Variants in ZNF536 observed in about 807,000 individuals in gnomAD.
ZNF536 encodes zinc finger protein 536.
In ZNF536, 13 loss-of-function variants were observed where a neutral mutation model predicts 84.5. The ratio of observed to expected loss-of-function variants is 0.15; its 90% CI spans 0.10 to 0.24. The LOEUF is 0.24. ZNF536 is among the 10% of genes least tolerant of loss of function. The probability of loss-of-function intolerance (pLI) is 1.00; values close to 1 mark genes in which losing one functional copy is unlikely to be tolerated. For synonymous variants in ZNF536, 811 were observed against 742.5 expected, an observed-to-expected ratio of 1.09 and a Z score of -1.50; for missense variants, 1,536 against 1,747.5, an observed-to-expected ratio of 0.88 and a Z score of 2.16.
intron 1 of ZNF536, among the ~76,000 whole-genome samples, chr19:30,382,227 C>T (rs561175246): frequency 3.9e-5 from 6 of 152,178 alleles, no homozygotes; most frequent in South Asian, 4.2e-4. Context: ...GAAAGTTGTC[C>T]GATTTGAATT....
intron 1 of ZNF536, among the ~76,000 whole-genome samples, chr19:30,233,116 C>G (rs67531495): frequency 0.17 from 25,781 of 151,202 alleles, 2,366 homozygotes; most frequent in African/African-American, 0.24. Context: ...TCTGAGAGGG[C>G]AGAGAACTTC....
intron 1 of ZNF536, among the ~76,000 whole-genome samples, chr19:30,428,736 T>C (rs1184644263): frequency 4.6e-5 from 7 of 152,162 alleles, no homozygotes; most frequent in African/African-American, 1.7e-4. Context: ...CAACATCAGA[T>C]GGATGGTGCA....
rs908821217 is a variant in ZNF536, at chr19:30,348,459, G to A, written c.-119-3909G>A. Reference sequence around the variant, plus strand: ...GTCCCTTACGTGCTGAGGTCCTTGAGCCTCCCTCTCTACTTTTTCTCCATG... The same window carrying A: ...GTCCCTTACGTGCTGAGGTCCTTGAACCTCCCTCTCTACTTTTTCTCCATG... On this transcript the variant is annotated intron_variant, in intron 2 of 5. Transcript: ENST00000585628. 3.9e-5 allele frequency among the ~76,000 whole-genome samples: 6 copies of A among 152,118 alleles called. No individual in the cohort carries two copies. In the South Asian group the frequency reaches 1.0e-3, roughly 26 times the overall value.
chr19:30,336,294 T>C (rs1292590724), intron 2 of ZNF536, among the ~76,000 whole-genome samples: 2 of 152,214 alleles, frequency 1.3e-5, no homozygotes, highest in Non-Finnish European at 1.5e-5. Flanking sequence ...CCATGTCTGA[T>C]GGCTCACTTT....
At chr19:30,456,405 T>A (rs2043612757) in intron 2 of ZNF536, among the ~76,000 whole-genome samples, 1 of 150,928 alleles carries the variant, frequency 6.6e-6, no homozygotes, top group South Asian at 2.1e-4. Context: ...TTCTGCACCA[T>A]TATTTCCTTA....
intron 2 of ZNF536, among the ~76,000 whole-genome samples, chr19:30,489,607 A>T (rs1287487725): frequency 6.6e-6 from 1 of 152,184 alleles, no homozygotes; most frequent in Admixed American, 6.5e-5. Context: ...AAATAAGGAA[A>T]ATAAAATAAT....
At chr19:30,388,555 G>T (rs147447089) in intron 1 of ZNF536, among the ~76,000 whole-genome samples, 1 of 152,096 alleles carries the variant, frequency 6.6e-6, no homozygotes, top group Non-Finnish European at 1.5e-5. Flanking sequence ...AGCCCTCCAC[G>T]ATCGCCTCGT....
intron 1 of ZNF536, among the ~76,000 whole-genome samples, chr19:30,564,088 C>A (rs2046268749): frequency 6.6e-6 from 1 of 152,008 alleles, no homozygotes; most frequent in African/African-American, 2.4e-5. Flanking sequence ...AAGAGAAATG[C>A]ATGAAGATAG....
Position 30,444,984 on chromosome 19 carries a change from C to G in ZNF536, c.1422C>G (p.Ser474=), listed in dbSNP as rs2148206702. The change falls in exon 2 of 5, where the codon TCC becomes TCG. Residue 474 remains serine, a synonymous_variant. Transcript: ENST00000355537. ...TGGGGAAGCTGCTGTCTCCCATCTC[C>G]AGCATGGCCCACGGCGTCCCGGAGG... The part of the protein sequence containing the change: ...EALGKLLSPI[S]SMAHGVPEGD... The G allele has an allele frequency of 6.2e-7, 1 of 1,611,392 alleles. No individual in the cohort carries two copies. The highest frequency in any genetic ancestry group is 8.5e-7 in the Non-Finnish European group (1 of 1,178,820).
chr19:30,252,473 A>T (rs2024671027), intron 1 of ZNF536, among the ~76,000 whole-genome samples: 1 of 151,978 alleles, frequency 6.6e-6, no homozygotes, highest in South Asian at 2.1e-4. Flanking sequence ...AGGCAGGAGG[A>T]TTTACCCTCC....
At chr19:30,468,608 C>T (rs1395249340) in intron 2 of ZNF536, among the ~76,000 whole-genome samples, 2 of 151,882 alleles carry the variant, frequency 1.3e-5, no homozygotes, top group East Asian at 1.9e-4. Flanking sequence ...TGCAGGGGTT[C>T]GTGAGGGCTG....
At chr19:30,555,125 A>G (rs2045920564) in intron 4 of ZNF536, 1 of 152,276 alleles carries the variant, frequency 6.6e-6, no homozygotes, top group Non-Finnish European at 1.5e-5. Flanking sequence ...CATAGCCAGC[A>G]CACACAGAAG....
At chr19:30,237,403 G>C (rs1391064239) in intron 1 of ZNF536, among the ~76,000 whole-genome samples, 1 of 152,146 alleles carries the variant, frequency 6.6e-6, no homozygotes, top group African/African-American at 2.4e-5. Context: ...GCTGGGGATG[G>C]AGCCCTTGTT....
At chr19:30,398,813 T>C (rs2049929562) in intron 1 of ZNF536, among the ~76,000 whole-genome samples, 1 of 152,224 alleles carries the variant, frequency 6.6e-6, no homozygotes, top group Non-Finnish European at 1.5e-5. Context: ...ATCCAGTCTA[T>C]CATTGATGGG....
At chr19:30,329,338 G>A (rs893215650) in intron 2 of ZNF536, among the ~76,000 whole-genome samples, 16 of 152,146 alleles carry the variant, frequency 1.1e-4, no homozygotes, top group Non-Finnish European at 2.9e-5. Flanking sequence ...CATAATCCTA[G>A]GTCAACTTTG....
chr19:30,529,731 T>C (rs1210638903), intron 2 of ZNF536, among the ~76,000 whole-genome samples: 2 of 152,332 alleles, frequency 1.3e-5, no homozygotes, highest in East Asian at 3.9e-4. Context: ...CCTTTTTCTT[T>C]AGCAAGTCAC....
chr19:30,437,788 G>C (rs1240223893), intron 1 of ZNF536, among the ~76,000 whole-genome samples: 17 of 152,192 alleles, frequency 1.1e-4, no homozygotes, highest in Admixed American at 1.1e-3. Context: ...GTCCAGCCTC[G>C]GTAAGGACAT....
intron 2 of ZNF536, among the ~76,000 whole-genome samples, chr19:30,520,091 A>G (rs2145690370): frequency 6.6e-6 from 1 of 152,300 alleles, no homozygotes; most frequent in African/African-American, 2.4e-5. Flanking sequence ...TTTCAGGAAG[A>G]GGGAACAGTA....
chr19:30,551,038 T>G (rs1434820154), intron 4 of ZNF536, among the ~76,000 whole-genome samples: 1 of 151,984 alleles, frequency 6.6e-6, no homozygotes, highest in African/African-American at 2.4e-5. Context: ...TTTTTTAAAC[T>G]GGGGGAGCAA....
Sources: allele counts gnomAD v4.1 joint callset (sites outside exome capture counted in the v4.1 genomes callset), GRCh38; gene constraint gnomAD v4.1.1; transcripts MANE v1.5; gene names NCBI Gene and HGNC (gene_info 2026-07-23, HGNC 2026-07-21).